SLC2A10: variants seen among roughly 807,000 people sequenced by gnomAD.
SLC2A10 encodes solute carrier family 2, facilitated glucose transporter member 10.
A neutral mutation model predicts 32.1 loss-of-function variants in SLC2A10; 25 were observed. That is an observed-to-expected ratio of 0.78 (90% CI 0.57 to 1.09). The LOEUF is 1.09. Ranked by LOEUF, SLC2A10 falls within the 50% of genes least tolerant of loss-of-function variation. The pLI is 0.00. For missense variants in SLC2A10, 673 were observed against 686.5 expected, an observed-to-expected ratio of 0.98 and a Z score of 0.22; for synonymous variants, 332 against 309.6, an observed-to-expected ratio of 1.07 and a Z score of -0.76.
In SLC2A10 at chr20:46,725,483, C is replaced by T. The variant is rs1245157888; in HGVS notation, c.447C>T (p.Leu149=). 28 of 1,614,182 alleles carry T rather than the reference C, an allele frequency of 1.7e-5. No individual in the cohort carries two copies. The highest frequency in any genetic ancestry group is 2.3e-5 in the Non-Finnish European group (27 of 1,180,026). ...YEAGITVGIL[L]SYALNYALAG... ...CAGGCATCACCGTGGGCATCCTGCT[C>T]TCCTATGCCCTCAACTATGCACTGG... Residue 149 remains leucine, a synonymous_variant, in exon 2 of 5, where the codon CTC becomes CTT. Coordinates refer to ENST00000359271, the MANE Select transcript of SLC2A10 (RefSeq NM_030777.4).
At chr20:46,725,019 C>T (rs1979792997) in intron 1 of SLC2A10, 22 bp from the exon 2 acceptor site, 1 of 1,614,004 alleles carries the variant, frequency 6.2e-7, no homozygotes, top group South Asian at 1.1e-5. Context: ...CTAACTCTGT[C>T]CCTCTCACTT....
At chr20:46,712,919 T>G (rs1979015209) in intron 1 of SLC2A10, among the ~76,000 whole-genome samples, 1 of 152,070 alleles carries the variant, frequency 6.6e-6, no homozygotes, top group South Asian at 2.1e-4. Flanking sequence ...CCTCCCAAAG[T>G]ATTGGGATTA....
rs548934029 is a variant in SLC2A10, at chr20:46,721,096, A to G, written c.5-3945A>G. On this transcript the variant is annotated intron_variant, in intron 1 of 4. Coordinates refer to ENST00000359271, the MANE Select transcript of SLC2A10 (RefSeq NM_030777.4). The stretch of plus-strand genomic sequence containing the variant: ...CAGAGTGGCTTGGGGCTCCCCAAAA[A>G]AACATAAAATGTGGAAATTGCTCAA... Among the ~76,000 whole-genome samples, 6 of 152,322 alleles carry G rather than the reference A, an allele frequency of 3.9e-5. No individual in the cohort carries two copies. In the South Asian group the frequency reaches 8.3e-4, roughly 21 times the overall value.
chr20:46,726,836 C>T (rs1245116246), intron 2 of SLC2A10, 28 bp from the exon 3 acceptor site: 1 of 1,613,900 alleles, frequency 6.2e-7, no homozygotes, highest in Non-Finnish European at 8.5e-7. Flanking sequence ...CACCACAGCC[C>T]AGGAGCCCTC....
rs777304011 is a variant in SLC2A10, at chr20:46,725,507, G to A, written c.471G>A (p.Leu157=). 1.2e-6 allele frequency: 2 copies of A among 1,614,052 alleles called. No individual in the cohort carries two copies. Among genetic ancestry groups the A allele is most frequent in the Non-Finnish European group, 1.7e-6 (2 of 1,180,030 alleles). ...ILLSYALNYA[L]AGTPWGWRHM... ...TCTCCTATGCCCTCAACTATGCACTGGCTGGTACCCCCTGGGGATGGAGGC... is the reference window on the plus strand; with the variant it reads ...TCTCCTATGCCCTCAACTATGCACTAGCTGGTACCCCCTGGGGATGGAGGC... Residue 157 remains leucine (L), a synonymous_variant, in exon 2 of 5, where the codon CTG becomes CTA. Coordinates refer to ENST00000359271, the MANE Select transcript of SLC2A10 (RefSeq NM_030777.4).
Position 46,734,614 on chromosome 20 carries a change from A to T in SLC2A10, c.*780A>T, listed in dbSNP as rs1568990855. Reference sequence around the variant, plus strand: ...TCTAATTCTCTTACCCAGAATATTTATCCTTCACCAGCAACTCTGACTCTT... The same window carrying T: ...TCTAATTCTCTTACCCAGAATATTTTTCCTTCACCAGCAACTCTGACTCTT... On this transcript the variant is annotated 3_prime_UTR_variant, in exon 5 of 5. Transcript: ENST00000359271. 4 of 152,148 alleles carry T rather than the reference A, an allele frequency of 2.6e-5. No homozygotes were observed. Among genetic ancestry groups the T allele is most frequent in the Admixed American group, 2.0e-4 (3 of 15,262 alleles). 9.4% of individuals were successfully genotyped at this position (152,148 alleles called of 1,614,324 possible).
At chr20:46,715,340 G>T (rs1481342425) in intron 1 of SLC2A10, among the ~76,000 whole-genome samples, 2 of 152,200 alleles carry the variant, frequency 1.3e-5, no homozygotes, top group Admixed American at 1.3e-4. Context: ...TGGAAGCTGT[G>T]AGCCCTTTGG....
intron 1 of SLC2A10, among the ~76,000 whole-genome samples, chr20:46,711,892 C>T (rs75194475): frequency 1.3e-4 from 20 of 152,262 alleles, no homozygotes; most frequent in Middle Eastern, 3.4e-3. Flanking sequence ...TTACAGTGCT[C>T]GGCTCATCAC....
chr20:46,713,928 G>T (rs1377744058), intron 1 of SLC2A10, among the ~76,000 whole-genome samples: 1 of 152,130 alleles, frequency 6.6e-6, no homozygotes. Flanking sequence ...GTACAGTGGA[G>T]AGTTGAGGAA....
intron 4 of SLC2A10, among the ~76,000 whole-genome samples, chr20:46,730,899 T>C (rs1170639064): frequency 1.3e-5 from 2 of 152,154 alleles, no homozygotes; most frequent in Non-Finnish European, 2.9e-5. Context: ...TGGGAAGTCA[T>C]AAAACGTTTT....
rs117238001 is a variant in SLC2A10, at chr20:46,717,979, T to C, written c.5-7062T>C. On this transcript the variant is annotated intron_variant, in intron 1 of 4. Transcript: ENST00000359271. ...ACTCACGCCTGTAATCCCAACACTT[T>C]GGGAGGCCTAGGCAGGAAGATCACT... is the stretch of plus-strand genomic sequence containing the variant. 8.3e-3 allele frequency among the ~76,000 whole-genome samples: 1,263 copies of C among 152,190 alleles called. 15 individuals are homozygous for C. The highest frequency in any genetic ancestry group is 0.019 in the African/African-American group (795 of 41,514).
Position 46,735,840 on chromosome 20 carries a change from C to A in SLC2A10, c.*2006C>A, listed in dbSNP as rs921148814. The A allele has an allele frequency of 2.0e-5, 3 of 152,214 alleles. No homozygotes were observed. Among genetic ancestry groups the A allele is most frequent in the African/African-American group, 4.8e-5 (2 of 41,444 alleles). The allele number at this position is 152,214 out of a possible 1,614,324, so 9.4% of individuals were successfully genotyped here. Reference sequence around the variant, plus strand: ...CTTCCAGTAGTTGAACACTGTCATCCGTTTCAGCTGACAGCTGCTCAAATC... The same window carrying A: ...CTTCCAGTAGTTGAACACTGTCATCAGTTTCAGCTGACAGCTGCTCAAATC... On this transcript the variant is annotated 3_prime_UTR_variant, in exon 5 of 5. Coordinates refer to ENST00000359271, the MANE Select transcript of SLC2A10 (RefSeq NM_030777.4).
chr20:46,725,561 T>A lies in SLC2A10; in HGVS notation c.525T>A (p.Ala175=). 1 of 1,614,200 alleles carries A rather than the reference T, an allele frequency of 6.2e-7. No individual in the cohort carries two copies. Among genetic ancestry groups the A allele is most frequent in the South Asian group, 1.1e-5 (1 of 91,088 alleles). The change falls in exon 2 of 5, where the codon GCT becomes GCA. Residue 175 remains alanine (A), a synonymous_variant. Transcript: ENST00000359271. ...RHMFGWATAP[A]VLQSLSLLFL... Reference sequence around the variant, plus strand: ...TGTTCGGCTGGGCCACTGCACCTGCTGTCCTGCAATCCCTCAGCCTCCTCT... The same window carrying A: ...TGTTCGGCTGGGCCACTGCACCTGCAGTCCTGCAATCCCTCAGCCTCCTCT...
Position 46,735,944 on chromosome 20 carries a change from AGCATTCATGCCGAACCTATAC to A in SLC2A10, c.*2111_*2131del, listed in dbSNP as rs1274887208. On this transcript the variant is annotated 3_prime_UTR_variant, in exon 5 of 5. Coordinates refer to ENST00000359271, the MANE Select transcript of SLC2A10 (RefSeq NM_030777.4). ...ACTAGTGTAAACAAAAATTTCAACC[AGCATTCATGCCGAACCTATAC>A]CCATTCTTCAGTGCCTAGCTGTACA... The A allele has an allele frequency of 6.6e-6, 1 of 152,224 alleles. No homozygotes were observed. Among genetic ancestry groups the A allele is most frequent in the Non-Finnish European group, 1.5e-5 (1 of 68,038 alleles). 9.4% of individuals were successfully genotyped at this position (152,224 alleles called of 1,614,324 possible).
At chr20:46,733,694 A>G in intron 4 of SLC2A10, 62 bp from the exon 5 acceptor site, 1 of 1,372,186 alleles carries the variant, frequency 7.3e-7, no homozygotes, top group Non-Finnish European at 1.0e-6. Context: ...TGGAAGGTCC[A>G]CTCCCCAGGG....
rs78125393 is a variant in SLC2A10, at chr20:46,729,366, G to A, written c.1425G>A (p.Leu475=). 6.2e-7 allele frequency: 1 copy of A among 1,601,140 alleles called. No individual in the cohort carries two copies. Among genetic ancestry groups the A allele is most frequent in the Non-Finnish European group, 8.5e-7 (1 of 1,176,382 alleles). The change falls in exon 4 of 5, where the codon TTG becomes TTA. Residue 475 remains leucine, a synonymous_variant. Transcript: ENST00000359271. ...TCCTGTTTCCAGGCACCATCGGCTTGTCCTGGACCTTCCTGCTCTACGGAC... is the reference window on the plus strand; with the variant it reads ...TCCTGTTTCCAGGCACCATCGGCTTATCCTGGACCTTCCTGCTCTACGGAC... ...SFLDLIGTIG[L]SWTFLLYGLT... is the part of the protein sequence containing the mutation.
At position 46,725,045 on chromosome 20, in the gene SLC2A10, CT is replaced by C; in HGVS notation, c.10del (p.Ser4ProfsTer17). The C allele has an allele frequency of 1.2e-6, 2 of 1,614,236 alleles. No homozygotes were observed. The highest frequency in any genetic ancestry group is 1.7e-6 in the Non-Finnish European group (2 of 1,180,036). On this transcript the variant is annotated frameshift_variant, in exon 2 of 5. Coordinates refer to ENST00000359271, the MANE Select transcript of SLC2A10 (RefSeq NM_030777.4). LOFTEE classifies it high-confidence loss of function. MGH[S>X]PPVLPLCASV... is the part of the protein sequence containing the mutation. ...CCTCTCACTTTTGTTTTTTAGGCCA[CT>C]CCCCACCTGTCCTGCCTTTGTGTGC...
Position 46,709,725 on chromosome 20 carries a change from G to C in SLC2A10, c.-12G>C, listed in dbSNP as rs1171223561. The C allele has an allele frequency of 1.3e-6, 2 of 1,545,946 alleles. No homozygotes were observed. The highest frequency in any genetic ancestry group is 2.0e-5 in the Admixed American group (1 of 50,884). On this transcript the variant is annotated 5_prime_UTR_variant, in exon 1 of 5. Transcript: ENST00000359271. ...CTCAGCGCCCCCAGCACGCCGCCGA[G>C]TCCCGCTCGCCATGGGTAAGTCCCG...
At chr20:46,726,632 C>T (rs936049956) in intron 2 of SLC2A10, among the ~76,000 whole-genome samples, 5 of 152,214 alleles carry the variant, frequency 3.3e-5, no homozygotes, top group South Asian at 2.1e-4. Context: ...CATCCCAGTT[C>T]GTCCAAGACT....
Sources: allele counts gnomAD v4.1 joint callset (sites outside exome capture counted in the v4.1 genomes callset), GRCh38; gene constraint gnomAD v4.1.1; transcripts MANE v1.5; gene names NCBI Gene and HGNC (gene_info 2026-07-23, HGNC 2026-07-21).